Variants in NFATC1 observed in about 807,000 individuals in gnomAD.
The protein encoded by NFATC1 is nuclear factor of activated T-cells, cytoplasmic 1.
A neutral mutation model predicts 76.0 loss-of-function variants in NFATC1; 22 were observed. That is an observed-to-expected ratio of 0.29 (90% CI 0.21 to 0.41). The LOEUF (loss-of-function observed/expected upper bound fraction) is 0.41, where lower values mean the gene tolerates loss of function less well. NFATC1 is among the 10% of genes least tolerant of loss of function. The pLI is 1.00. For missense variants in NFATC1, 1,357 were observed against 1,337.7 expected (o/e 1.01, Z -0.23); for synonymous variants, 704 against 613.1 (o/e 1.15, Z -2.19).
At chr18:79,458,926 T>TTTCTATTGCC (rs2087899681) in intron 6 of NFATC1, among the ~76,000 whole-genome samples, 1 of 152,048 alleles carries the variant, frequency 6.6e-6, no homozygotes, top group South Asian at 2.1e-4. Flanking sequence ...ATACTATTGC[T>TTTCTATTGCC]TTTGAAAGAC....
intron 9 of NFATC1, among the ~76,000 whole-genome samples, chr18:79,499,690 G>C (rs1017595478): frequency 1.3e-5 from 2 of 152,068 alleles, no homozygotes; most frequent in African/African-American, 4.8e-5. Flanking sequence ...ATGATAAAGA[G>C]ATACTGTGCA....
chr18:79,425,157 GTC>G (rs1460950248), intron 2 of NFATC1, among the ~76,000 whole-genome samples: 1 of 101,468 alleles, frequency 9.9e-6, no homozygotes, highest in Non-Finnish European at 1.9e-5. Context: ...GTCTCTCTCC[GTC>G]TCTGTCTCTC....
intron 9 of NFATC1, among the ~76,000 whole-genome samples, chr18:79,500,696 A>G (rs1251759965): frequency 6.6e-6 from 1 of 152,200 alleles, no homozygotes; most frequent in African/African-American, 2.4e-5. Context: ...TGCAAAAATC[A>G]AAAGGTTATA....
intron 2 of NFATC1, among the ~76,000 whole-genome samples, chr18:79,426,744 A>AT (rs1303080820): frequency 6.6e-6 from 1 of 152,226 alleles, no homozygotes; most frequent in Non-Finnish European, 1.5e-5. Context: ...AGTGAGAAGC[A>AT]TTTTTAAACT....
chr18:79,418,413 G>A (rs1161354120), intron 2 of NFATC1, among the ~76,000 whole-genome samples: 2 of 152,200 alleles, frequency 1.3e-5, no homozygotes, highest in Non-Finnish European at 2.9e-5. Flanking sequence ...CTGGGACCCC[G>A]ACTCCCAGGA....
At chr18:79,486,112 TGG>T in intron 8 of NFATC1, 134 bp from the exon 9 acceptor site, 1 of 719,520 alleles carries the variant, frequency 1.4e-6, no homozygotes, top group South Asian at 1.8e-5. Flanking sequence ...TTTAATGGGG[TGG>T]GAGAACCAGG....
rs1020446158 is a variant in NFATC1 at position 79,467,855 on chromosome 18, C to T, written c.2092+273C>T. The T allele has an allele frequency of 5.9e-6, 7 of 1,183,028 alleles. No homozygotes were observed. The African/African-American group carries it at 6.5e-5, about 11-fold the overall frequency. The allele number at this position is 1,183,028 out of a possible 1,614,324, so 73.3% of individuals were successfully genotyped here. ...TTTGCTTCTTGCGAATGTATAACAG[C>T]CAAGGGGAAAACATGGCTCTTCTGC... On this transcript the variant is annotated intron_variant, in intron 8 of 9. Transcript: ENST00000427363.
chr18:79,462,610 TC>T (rs1304423466), intron 7 of NFATC1, among the ~76,000 whole-genome samples: 1 of 152,228 alleles, frequency 6.6e-6, no homozygotes, highest in Non-Finnish European at 1.5e-5. Flanking sequence ...GGCCTGATGT[TC>T]ACTTATTATT....
At position 79,500,170 on chromosome 18, in the gene NFATC1, A is replaced by C. The variant is rs1226283051; in HGVS notation, c.2782+13233A>C. On this transcript the variant is annotated intron_variant, in intron 9 of 9. Coordinates refer to ENST00000427363, the MANE Select transcript of NFATC1 (RefSeq NM_001278669.2). ...GTGCACATAGGATAGACTTCCTACT[A>C]TGCCATAAAACAAGCCTTAATAAAT... 3.3e-5 allele frequency among the ~76,000 whole-genome samples: 5 copies of C among 152,182 alleles called. No individual in the cohort carries two copies. The East Asian group carries it at 9.6e-4, about 29-fold the overall frequency.
intron 9 of NFATC1, among the ~76,000 whole-genome samples, chr18:79,495,296 G>C (rs2089848612): frequency 6.6e-6 from 1 of 152,244 alleles, no homozygotes; most frequent in South Asian, 2.1e-4. Flanking sequence ...GGCCTGTGAG[G>C]TTCTGGGCAC....
chr18:79,451,556 A>G, intron 5 of NFATC1, 120 bp from the exon 6 acceptor site: 1 of 1,145,178 alleles, frequency 8.7e-7, no homozygotes, highest in South Asian at 2.2e-5. Flanking sequence ...GTCGGCCCGC[A>G]GGTCGTGGCG....
chr18:79,448,208 A>G (rs2087298025), intron 3 of NFATC1: 1 of 157,280 alleles, frequency 6.4e-6, no homozygotes, highest in Non-Finnish European at 1.4e-5. Context: ...GCCTCTGGAC[A>G]CTAGCTGCTC....
At position 79,460,604 on chromosome 18, in the gene NFATC1, C is replaced by T. The variant is rs550215403; in HGVS notation, c.1904-707C>T. Among the ~76,000 whole-genome samples the T allele has an allele frequency of 3.3e-5, 5 of 152,322 alleles. No individual in the cohort carries two copies. In the East Asian group the frequency reaches 5.8e-4, roughly 18 times the overall value. ...CATGCAAATGGCCACTGGGGAAATG[C>T]CAAAAATACCTCGTGTTTTGCATTT... On this transcript the variant is annotated intron_variant, in intron 6 of 9. Coordinates refer to ENST00000427363, the MANE Select transcript of NFATC1 (RefSeq NM_001278669.2).
intron 2 of NFATC1, among the ~76,000 whole-genome samples, chr18:79,426,604 C>T (rs950136609): frequency 1.6e-4 from 25 of 152,268 alleles, no homozygotes; most frequent in Admixed American, 2.6e-4. Context: ...GCACCGTCCC[C>T]GGACCCCCAG....
At chr18:79,401,409 C>T (rs1211845171) in intron 1 of NFATC1, among the ~76,000 whole-genome samples, 2 of 152,154 alleles carry the variant, frequency 1.3e-5, no homozygotes, top group Non-Finnish European at 1.5e-5. Context: ...TCCAACCAAA[C>T]CTGTGCTGCC....
intron 9 of NFATC1, among the ~76,000 whole-genome samples, chr18:79,526,286 C>G (rs1220019387): frequency 6.6e-6 from 1 of 152,276 alleles, no homozygotes. Flanking sequence ...CGGGCTCCTT[C>G]TGGTGCCTTC....
In NFATC1 at chr18:79,410,993, A is replaced by G; in HGVS notation, c.718A>G (p.Thr240Ala). 6.2e-7 allele frequency: 1 copy of G among 1,607,608 alleles called. No homozygotes were observed. Among genetic ancestry groups the G allele is most frequent in the Non-Finnish European group, 8.5e-7 (1 of 1,177,572 alleles). Residue 240 changes from threonine (T) to alanine (A), a missense_variant, in exon 2 of 10, where the codon ACC becomes GCC. Thr to Ala is a moderately conservative substitution (Grantham distance 58). Coordinates refer to ENST00000427363, the MANE Select transcript of NFATC1 (RefSeq NM_001278669.2). The surrounding 1 kb of genome is among the most constrained non-coding windows in gnomAD (Gnocchi z 6.7). ...LLGSPRHSPS[T>A]SPRASVTEES... The stretch of plus-strand genomic sequence containing the variant: ...GGGTTCCCCGCGGCACTCCCCCTCC[A>G]CCTCGCCCCGCGCCAGCGTCACTGA...
chr18:79,448,521 A>G, intron 3 of NFATC1: 1 of 503,190 alleles, frequency 2.0e-6, no homozygotes, highest in Non-Finnish European at 3.5e-6. Flanking sequence ...TGGCCTCAGA[A>G]TGGGCACACA....
chr18:79,482,109 GGTCCTGGGGTGTCACTCCAGCATGACCTC>G (rs2089297167), intron 8 of NFATC1, among the ~76,000 whole-genome samples: 2 of 148,114 alleles, frequency 1.4e-5, no homozygotes, highest in African/African-American at 2.5e-5. Flanking sequence ...AGCGTGACCT[GGTCCTGGGGTGTCACTCCAGCATGACCTC>G]GTTCCTGGGG....
Sources: gnomAD v4.1 joint callset for allele counts (sites outside exome capture counted in the v4.1 genomes callset) on GRCh38, gnomAD v4.1.1 for gene constraint, Gnocchi (gnomAD v3.1) non-coding constraint, MANE v1.5 for transcripts, NCBI Gene and HGNC (gene_info 2026-07-23, HGNC 2026-07-21) for gene names.